ATRNL1: variants seen among roughly 807,000 people sequenced by gnomAD.
ATRNL1 encodes attractin-like protein 1.
A neutral mutation model predicts 182.7 loss-of-function variants in ATRNL1; 95 were observed. The ratio of observed to expected loss-of-function variants is 0.52; its 90% CI spans 0.44 to 0.62. The LOEUF is 0.62. Ranked by LOEUF, ATRNL1 falls within the 20% of genes least tolerant of loss-of-function variation. ATRNL1 has a pLI of 0.00. For missense variants in ATRNL1, 1,471 were observed against 1,679.5 expected (o/e 0.88, Z 2.17); for synonymous variants, 576 against 568.3 (o/e 1.01, Z -0.19).
intron 27 of ATRNL1, among the ~76,000 whole-genome samples, chr10:115,828,982 G>A (rs1565416303): frequency 6.6e-6 from 1 of 152,152 alleles, no homozygotes; most frequent in Non-Finnish European, 1.5e-5. Flanking sequence ...TTAGGGGAGA[G>A]GGCCTTGGAT....
chr10:115,385,272 T>C (rs1337506468), intron 19 of ATRNL1, among the ~76,000 whole-genome samples: 1 of 152,146 alleles, frequency 6.6e-6, no homozygotes, highest in Non-Finnish European at 1.5e-5. Context: ...TATGTCTTGT[T>C]GATTTACAAT....
At chr10:115,748,802 A>T (rs987551928) in intron 27 of ATRNL1, among the ~76,000 whole-genome samples, 4 of 151,922 alleles carry the variant, frequency 2.6e-5, no homozygotes, top group African/African-American at 9.7e-5. Context: ...AATCGATTAT[A>T]CAGCATTATG....
chr10:115,547,220 A>G (rs1443034165), intron 25 of ATRNL1, among the ~76,000 whole-genome samples: 2 of 151,048 alleles, frequency 1.3e-5, no homozygotes, highest in African/African-American at 4.9e-5. Flanking sequence ...GTGCCACTAC[A>G]CTTCAGCCTG....
rs2084927705 is a variant in ATRNL1 at position 115,093,487 on chromosome 10, G to C, written c.-264G>C. The C allele has an allele frequency of 6.4e-6, 4 of 622,406 alleles. No individual in the cohort carries two copies. The highest frequency in any genetic ancestry group is 1.6e-5 in the South Asian group (1 of 63,740). 38.6% of individuals were successfully genotyped at this position (622,406 alleles called of 1,614,324 possible). ...CCGCTCCCCGCCTCCGGCCGGGTCC[G>C]GGACGCCGCGGCTGTGGGGTCGGCC... is the stretch of plus-strand genomic sequence containing the variant. On this transcript the variant is annotated 5_prime_UTR_variant, in exon 1 of 29. Coordinates refer to ENST00000355044, the MANE Select transcript of ATRNL1 (RefSeq NM_207303.4). The surrounding 1 kb of genome is among the most constrained non-coding windows in gnomAD (Gnocchi z 6.1).
At chr10:115,509,984 G>A (rs934245074) in intron 24 of ATRNL1, among the ~76,000 whole-genome samples, 1 of 151,938 alleles carries the variant, frequency 6.6e-6, no homozygotes, top group Non-Finnish European at 1.5e-5. Context: ...CACCCTCATA[G>A]ATGACTTTGA....
intron 27 of ATRNL1, among the ~76,000 whole-genome samples, chr10:115,775,746 G>T (rs1056591624): frequency 6.6e-6 from 1 of 151,870 alleles, no homozygotes; most frequent in Non-Finnish European, 1.5e-5. Context: ...CACAAGGTTA[G>T]GAGTTCAAGA....
intron 28 of ATRNL1, among the ~76,000 whole-genome samples, chr10:115,898,459 A>G (rs1316030808): frequency 6.6e-6 from 1 of 152,108 alleles, no homozygotes; most frequent in East Asian, 1.9e-4. Context: ...CCAAGACAGG[A>G]TTGTCTACCC....
At chr10:115,096,121 A>T (rs1316075976) in intron 1 of ATRNL1, among the ~76,000 whole-genome samples, 2 of 152,204 alleles carry the variant, frequency 1.3e-5, no homozygotes, top group South Asian at 4.1e-4. Context: ...TAGATATTTG[A>T]TGTAGATATT....
chr10:115,223,069 C>T (rs1196739183), intron 9 of ATRNL1, among the ~76,000 whole-genome samples: 4 of 152,098 alleles, frequency 2.6e-5, no homozygotes, highest in Admixed American at 2.6e-4. Context: ...CACTTGAAGC[C>T]AGGGGTTCAA....
intron 24 of ATRNL1, among the ~76,000 whole-genome samples, chr10:115,479,233 C>A (rs1290371904): frequency 6.6e-6 from 1 of 151,414 alleles, no homozygotes; most frequent in Non-Finnish European, 1.5e-5. Flanking sequence ...TTTACTGTTC[C>A]TAAATTATAT....
intron 27 of ATRNL1, among the ~76,000 whole-genome samples, chr10:115,793,665 A>G (rs1565384097): frequency 1.3e-5 from 2 of 152,152 alleles, no homozygotes; most frequent in South Asian, 2.1e-4. Context: ...TTAGTTGGCA[A>G]TTGATTCATT....
chr10:115,492,845 A>T, intron 24 of ATRNL1, among the ~76,000 whole-genome samples: 1 of 151,850 alleles, frequency 6.6e-6, no homozygotes, highest in East Asian at 1.9e-4. Context: ...GGGTTTCACC[A>T]TGTTAGCCAG....
chr10:115,100,643 T>C (rs1474333145), intron 1 of ATRNL1, among the ~76,000 whole-genome samples: 1 of 152,200 alleles, frequency 6.6e-6, no homozygotes, highest in Non-Finnish European at 1.5e-5. Flanking sequence ...AATGTCTTGA[T>C]TATTGTTTCT....
chr10:115,136,205 T>C (rs1202677466), intron 5 of ATRNL1, among the ~76,000 whole-genome samples: 1 of 152,148 alleles, frequency 6.6e-6, no homozygotes, highest in Non-Finnish European at 1.5e-5. Context: ...TCAAAGATAA[T>C]GATATATACA....
chr10:115,328,780 T>A (rs868993403), intron 18 of ATRNL1, among the ~76,000 whole-genome samples: 1 of 152,128 alleles, frequency 6.6e-6, no homozygotes. Context: ...TGGACCTTTT[T>A]CATGGCTGAA....
intron 6 of ATRNL1, among the ~76,000 whole-genome samples, chr10:115,162,293 T>C (rs1846827321): frequency 6.6e-6 from 1 of 152,066 alleles, no homozygotes; most frequent in Non-Finnish European, 1.5e-5. Context: ...GTTGCAATTA[T>C]AAATGTAATA....
chr10:115,378,541 G>A (rs1321391027), intron 19 of ATRNL1, among the ~76,000 whole-genome samples: 1 of 152,196 alleles, frequency 6.6e-6, no homozygotes, highest in Non-Finnish European at 1.5e-5. Context: ...GTTGGACTGA[G>A]TCTGACAAGC....
chr10:115,591,227 G>A (rs2133917417), intron 26 of ATRNL1, among the ~76,000 whole-genome samples: 1 of 152,326 alleles, frequency 6.6e-6, no homozygotes. Flanking sequence ...TACTCACATA[G>A]TAACCTGTGT....
intron 25 of ATRNL1, among the ~76,000 whole-genome samples, chr10:115,523,155 C>T (rs1851037767): frequency 6.6e-6 from 1 of 152,186 alleles, no homozygotes; most frequent in Non-Finnish European, 1.5e-5. Flanking sequence ...ACTTTCTAGC[C>T]TCCTTCAGTG....
Sources: allele counts gnomAD v4.1 joint callset (sites outside exome capture counted in the v4.1 genomes callset), GRCh38; gene constraint gnomAD v4.1.1; non-coding constraint Gnocchi (gnomAD v3.1); transcripts MANE v1.5; gene names NCBI Gene and HGNC (gene_info 2026-07-23, HGNC 2026-07-21).